NPIPB5: variants seen among roughly 807,000 people sequenced by gnomAD.
The protein encoded by NPIPB5 is nuclear pore complex-interacting protein family member B5.
For missense variants in NPIPB5, 10 were observed against 414.7 expected (o/e 0.02, Z 8.48); for synonymous variants, 1 against 168.2 (o/e 0.01, Z 7.69).
upstream of NPIPB5, among the ~76,000 whole-genome samples, chr16:22,510,940 G>A (rs1365748536): frequency 6.5e-5 from 1 of 15,396 alleles, no homozygotes; most frequent in Non-Finnish European, 8.9e-5. Context: ...GCATGATCTC[G>A]GCTCACTACA....
At chr16:22,517,784 C>T (rs1351367523) in intron 1 of NPIPB5, among the ~76,000 whole-genome samples, 1 of 65,680 alleles carries the variant, frequency 1.5e-5, no homozygotes, top group Non-Finnish European at 3.0e-5. Context: ...CGTGATCCGC[C>T]TGCCTCAGCC....
Position 22,528,692 on chromosome 16 carries a change from A to ATTTTTTTTTTTT in NPIPB5, c.545+737_545+748dup, listed in dbSNP as rs1175345253. 1.4e-3 allele frequency among the ~76,000 whole-genome samples: 67 copies of ATTTTTTTTTTTT among 49,202 alleles called. 2 individuals carry two copies. The highest frequency in any genetic ancestry group is 2.8e-3 in the African/African-American group (29 of 10,218). The allele number at this position is 49,202 out of a possible 152,430, so 32.3% of individuals were successfully genotyped here. ...AGGTGTGTGCCACCACATTTGACCA[A>ATTTTTTTTTTTT]TTTTTTTTTTTTTTTTTTTTTTTTT... On this transcript the variant is annotated intron_variant, in intron 4 of 6. Transcript: ENST00000424340.
chr16:22,529,640 CT>C (rs1428352965), intron 4 of NPIPB5, among the ~76,000 whole-genome samples: 3 of 142,610 alleles, frequency 2.1e-5, no homozygotes, highest in African/African-American at 5.3e-5. Context: ...GGGTTTCCTT[CT>C]TCTCCATCTT....
chr16:22,528,691 A>ACTTTTTTT (rs2049838929), intron 4 of NPIPB5, among the ~76,000 whole-genome samples: 1 of 25,344 alleles, frequency 3.9e-5, no homozygotes, highest in Non-Finnish European at 8.1e-5. Flanking sequence ...ACATTTGACC[A>ACTTTTTTT]ATTTTTTTTT....
At chr16:22,535,998 T>C in exon 7 of NPIPB5, 1 of 11,664 alleles carries the variant, frequency 8.6e-5, no homozygotes, top group Non-Finnish European at 1.7e-4. Context: ...CCTCAGCCGA[T>C]GATAATCTCA....
intron 1 of NPIPB5, among the ~76,000 whole-genome samples, chr16:22,518,155 C>T (rs1349274947): frequency 3.7e-4 from 17 of 45,740 alleles, no homozygotes; most frequent in African/African-American, 1.3e-3. Context: ...CCTTGTGATC[C>T]GCCCACCTCG....
At chr16:22,520,735 G>A (rs1596501211) in intron 1 of NPIPB5, 1 of 264 alleles carries the variant, frequency 3.8e-3, no homozygotes, top group East Asian at 0.1. Context: ...CTGTCGCCCA[G>A]GCTGGAGTGC....
chr16:22,517,818 C>T (rs1401529223), intron 1 of NPIPB5, among the ~76,000 whole-genome samples: 5 of 105,074 alleles, frequency 4.8e-5, no homozygotes, highest in Non-Finnish European at 8.0e-5. Flanking sequence ...GGATTACAGG[C>T]GTGAGCCACC....
intron 4 of NPIPB5, among the ~76,000 whole-genome samples, chr16:22,528,632 A>G (rs1168034937): frequency 2.3e-5 from 3 of 128,268 alleles, no homozygotes; most frequent in Admixed American, 8.3e-5. Context: ...AGTTTGAAGC[A>G]ATTCTGCCTC....
chr16:22,528,721 T>TTTTTTTTTTTG (rs1179934916), intron 4 of NPIPB5, among the ~76,000 whole-genome samples: 2 of 108,682 alleles, frequency 1.8e-5, no homozygotes, highest in African/African-American at 6.6e-5. Context: ...TTTTTTTTTT[T>TTTTTTTTTTTG]GAGACAGAGT....
chr16:22,517,869 A>G (rs1596500808), intron 1 of NPIPB5, among the ~76,000 whole-genome samples: 1 of 133,440 alleles, frequency 7.5e-6, no homozygotes, highest in Non-Finnish European at 1.6e-5. Context: ...GCTGCAGCAT[A>G]TAAAAAGAAT....
At chr16:22,517,907 T>C (rs1205473517) in intron 1 of NPIPB5, among the ~76,000 whole-genome samples, 4 of 140,116 alleles carry the variant, frequency 2.9e-5, no homozygotes, top group African/African-American at 1.0e-4. Flanking sequence ...TTAACCCTGT[T>C]TTTTGTTTGT....
chr16:22,533,929 G>GCTCTACCCTCAGCT lies in NPIPB5; in HGVS notation c.947_948insTCTACCCTCAGCTC (p.Asp317LeufsTer271). On this transcript the variant is annotated frameshift_variant, in exon 7 of 7. Transcript: ENST00000424340. LOFTEE classifies it high-confidence loss of function. ...TGTGCTCACTCCCCTTCCACCCTCA[G>GCTCTACCCTCAGCT]CGGATGATAATCTCAAGACACCTCC... 1.4e-6 allele frequency: 1 copy of GCTCTACCCTCAGCT among 723,654 alleles called. No individual in the cohort carries two copies. The highest frequency in any genetic ancestry group is 1.4e-5 in the South Asian group (1 of 71,314). 44.8% of individuals were successfully genotyped at this position (723,654 alleles called of 1,614,324 possible). A position where few individuals can be genotyped will look rare whatever the true frequency, so the allele number is the denominator to read the frequency against.
chr16:22,528,210 T>TTG (rs2049824803), intron 4 of NPIPB5: 1 of 347,076 alleles, frequency 2.9e-6, no homozygotes, highest in African/African-American at 4.8e-5. Flanking sequence ...TGGTTTTCCT[T>TTG]TCTCTTTTTT....
chr16:22,529,962 T>C (rs1209336170), intron 4 of NPIPB5, among the ~76,000 whole-genome samples: 1 of 69,976 alleles, frequency 1.4e-5, no homozygotes, highest in East Asian at 3.7e-4. Flanking sequence ...CACTCCTTGT[T>C]TGAGGCCACT....
At chr16:22,514,891 C>CACACACACACACAT (rs2049787100) in intron 1 of NPIPB5, among the ~76,000 whole-genome samples, 1 of 43,830 alleles carries the variant, frequency 2.3e-5, no homozygotes, top group African/African-American at 2.6e-4. Context: ...CACACACACA[C>CACACACACACACAT]ACACACACAT....
chr16:22,517,835 A>G (rs1245286498), intron 1 of NPIPB5, among the ~76,000 whole-genome samples: 1 of 117,248 alleles, frequency 8.5e-6, no homozygotes, highest in Non-Finnish European at 1.8e-5. Flanking sequence ...CACCATGCCC[A>G]GCCAAATCTA....
chr16:22,528,661 G>C (rs2049837734), intron 4 of NPIPB5, among the ~76,000 whole-genome samples: 1 of 132,790 alleles, frequency 7.5e-6, no homozygotes, highest in Non-Finnish European at 1.6e-5. Flanking sequence ...GAGTAGCTTG[G>C]ATTACAGGTG....
intron 1 of NPIPB5, among the ~76,000 whole-genome samples, chr16:22,517,761 G>A (rs4011091): frequency 5.5e-5 from 2 of 36,504 alleles, no homozygotes; most frequent in East Asian, 1.6e-3. Flanking sequence ...GGCTGGTCTC[G>A]AACTCCTAAC....
Sources: allele counts gnomAD v4.1 joint callset (sites outside exome capture counted in the v4.1 genomes callset), GRCh38; gene constraint gnomAD v4.1.1; transcripts MANE v1.5; gene names NCBI Gene and HGNC (gene_info 2026-07-23, HGNC 2026-07-21).